ADARB1: variants seen among roughly 807,000 people sequenced by gnomAD.
ADARB1 encodes the protein adenosine deaminase RNA specific B1, also known as double-stranded RNA-specific editase 1.
A neutral mutation model predicts 52.4 loss-of-function variants in ADARB1; 10 were observed. The observed-to-expected ratio is 0.19, with a 90% CI of 0.12 to 0.32. The LOEUF is 0.32. ADARB1 is among the 10% of genes least tolerant of loss of function. The pLI is 1.00. For missense variants in ADARB1, 643 were observed against 922.3 expected (o/e 0.70, Z 3.92); for synonymous variants, 349 against 371.1 (o/e 0.94, Z 0.68).
rs1374948838 is a variant in ADARB1, at chr21:45,142,015, G to A, written c.-48+13442G>A. Among the ~76,000 whole-genome samples, 2 of 149,238 alleles carry A rather than the reference G, an allele frequency of 1.3e-5. No individual in the cohort carries two copies. Among genetic ancestry groups the A allele is most frequent in the African/African-American group, 2.5e-5 (1 of 40,334 alleles). ...TCATGGTCAGCTTAGCTGTTTGTGG[G>A]TCACTTAGCCACCCCTGGGCCACTG... On this transcript the variant is annotated intron_variant, in intron 2 of 10. Transcript: ENST00000348831. The surrounding 1 kb of genome is among the most constrained non-coding windows in gnomAD (Gnocchi z 4.0).
chr21:45,219,745 G>A (rs1170934332), intron 9 of ADARB1, among the ~76,000 whole-genome samples: 1 of 152,216 alleles, frequency 6.6e-6, no homozygotes, highest in Non-Finnish European at 1.5e-5. Context: ...CTTGTTTGAT[G>A]AGAGGAATAA....
intron 1 of ADARB1, among the ~76,000 whole-genome samples, chr21:45,095,651 C>T (rs1403839939): frequency 6.6e-6 from 1 of 152,144 alleles, no homozygotes; most frequent in African/African-American, 2.4e-5. Flanking sequence ...CTCCTTGGGT[C>T]ATGTCTCCAG....
intron 1 of ADARB1, among the ~76,000 whole-genome samples, chr21:45,091,310 T>C (rs1280023519): frequency 6.6e-6 from 1 of 152,266 alleles, no homozygotes; most frequent in Non-Finnish European, 1.5e-5. Context: ...AGTTGACGTT[T>C]GGCTTAACTG....
At chr21:45,212,901 T>C (rs1035514454) in intron 9 of ADARB1, among the ~76,000 whole-genome samples, 1 of 152,180 alleles carries the variant, frequency 6.6e-6, no homozygotes. Flanking sequence ...CTTATTAGTA[T>C]GTTATTTAGT....
chr21:45,116,478 G>T (rs1186729086), intron 1 of ADARB1, among the ~76,000 whole-genome samples: 1 of 152,230 alleles, frequency 6.6e-6, no homozygotes, highest in Non-Finnish European at 1.5e-5. Flanking sequence ...TTGCATAGAA[G>T]CAACTTTTGT....
chr21:45,217,116 A>G (rs557860886), intron 9 of ADARB1, among the ~76,000 whole-genome samples: 1 of 152,068 alleles, frequency 6.6e-6, no homozygotes, highest in South Asian at 2.1e-4. Context: ...ATATATTTAT[A>G]TATATTTATA....
At chr21:45,101,768 C>G (rs2087028701) in intron 1 of ADARB1, among the ~76,000 whole-genome samples, 1 of 152,210 alleles carries the variant, frequency 6.6e-6, no homozygotes, top group African/African-American at 2.4e-5. Flanking sequence ...TGTTAGCACA[C>G]CAGTCTTGCT....
rs535860104 is a variant in ADARB1 at position 45,097,313 on chromosome 21, G to A, written c.-220+22520G>A. 7.9e-5 allele frequency among the ~76,000 whole-genome samples: 12 copies of A among 152,308 alleles called. No homozygotes were observed. The South Asian group carries it at 2.3e-3, about 29-fold the overall frequency. On this transcript the variant is annotated intron_variant, in intron 1 of 10. Transcript: ENST00000348831. ...GAAGCCTGGTGTGCAAATGAGGGAG[G>A]CTAACATGATTTTCGGGCTACTGGA... is the stretch of plus-strand genomic sequence containing the variant.
At chr21:45,159,976 G>A (rs1373354161) in intron 2 of ADARB1, among the ~76,000 whole-genome samples, 2 of 152,220 alleles carry the variant, frequency 1.3e-5, no homozygotes, top group East Asian at 3.8e-4. Context: ...ACGTATTAAA[G>A]CCTGTTTGCA....
At chr21:45,201,721 G>T (rs1024422977) in intron 8 of ADARB1, among the ~76,000 whole-genome samples, 3 of 152,212 alleles carry the variant, frequency 2.0e-5, no homozygotes, top group Non-Finnish European at 4.4e-5. Context: ...CCTGCACTGG[G>T]GTAGGATGGG....
At chr21:45,174,771 T>G (rs112464650) in intron 3 of ADARB1, among the ~76,000 whole-genome samples, 1,940 of 152,294 alleles carry the variant, frequency 0.013, 43 homozygotes, top group African/African-American at 0.044. Context: ...TTATGTTTAT[T>G]TTGCCATGTA....
Position 45,224,093 on chromosome 21 carries a change from C to T in ADARB1, c.*1896C>T. On this transcript the variant is annotated 3_prime_UTR_variant, in exon 11 of 11. Transcript: ENST00000348831. ...TTTCCCCCAAGCAGGCTCTTGCACACTCTAGAAAAAACACCTTGTAAGTCT... is the reference window on the plus strand; with the variant it reads ...TTTCCCCCAAGCAGGCTCTTGCACATTCTAGAAAAAACACCTTGTAAGTCT... The T allele has an allele frequency of 1.0e-6, 1 of 985,358 alleles. No homozygotes were observed. The highest frequency in any genetic ancestry group is 1.2e-6 in the Non-Finnish European group (1 of 829,926). 61.0% of individuals were successfully genotyped at this position (985,358 alleles called of 1,614,324 possible). A position where few individuals can be genotyped will look rare whatever the true frequency, so the allele number is the denominator to read the frequency against.
rs755694187 is a variant in ADARB1 at position 45,172,224 on chromosome 21, G to A, written c.28+540G>A. Among the ~76,000 whole-genome samples, 13 of 152,130 alleles carry A rather than the reference G, an allele frequency of 8.5e-5. No homozygotes were observed. The highest frequency in any genetic ancestry group is 1.2e-4 in the African/African-American group (5 of 41,410). ...CTTCCGTGCTGTTCTCTCTGGTGCC[G>A]GGGTGGTGGAAGGCCGCTGGGGTAC... On this transcript the variant is annotated intron_variant, in intron 3 of 10. Transcript: ENST00000348831. The surrounding 1 kb of genome is among the most constrained non-coding windows in gnomAD (Gnocchi z 4.4).
rs116765184 is a variant in ADARB1, at chr21:45,185,880, A to G, written c.1565+789A>G. ...GACTGTCCATCCAGAAGCTGTCAAA[A>G]TTGATGCATACGCATGTGCACGTGC... On this transcript the variant is annotated intron_variant, in intron 8 of 10. Transcript: ENST00000348831. Among the ~76,000 whole-genome samples the G allele has an allele frequency of 6.9e-3, 1,044 of 152,376 alleles. 16 individuals are homozygous for G. The highest frequency in any genetic ancestry group is 0.024 in the African/African-American group (997 of 41,600).
Position 45,074,797 on chromosome 21 carries a change from A to G in ADARB1, c.-220+4A>G. 1 of 145,124 alleles carries G rather than the reference A, an allele frequency of 6.9e-6. No homozygotes were observed. The highest frequency in any genetic ancestry group is 1.9e-4 in the South Asian group (1 of 5,316). The allele number at this position is 145,124 out of a possible 1,614,324, so 9.0% of individuals were successfully genotyped here. On this transcript the variant is annotated splice_donor_region_variant and intron_variant, in intron 1 of 10. Transcript: ENST00000348831. ...GCGCGGCGCGGCTGCGGCTGAGGTG[A>G]GGGCGGCGCGGGGCCGCGGCGGCTC...
intron 9 of ADARB1, among the ~76,000 whole-genome samples, chr21:45,215,222 A>T (rs957650161): frequency 3.3e-5 from 5 of 151,854 alleles, no homozygotes; most frequent in African/African-American, 1.2e-4. Flanking sequence ...TCATTTTTAA[A>T]TTTTTTATAG....
At chr21:45,181,566 T>A (rs2091934214) in intron 5 of ADARB1, 1 of 152,668 alleles carries the variant, frequency 6.6e-6, no homozygotes, top group Admixed American at 6.5e-5. Flanking sequence ...GCTGGTCATG[T>A]TCTTTCATCG....
At chr21:45,122,994 G>T (rs1468144785) in intron 1 of ADARB1, among the ~76,000 whole-genome samples, 1 of 152,188 alleles carries the variant, frequency 6.6e-6, no homozygotes. Flanking sequence ...TGATCATACA[G>T]CAGCTACTTG....
At chr21:45,133,315 G>A (rs557609920) in intron 2 of ADARB1, among the ~76,000 whole-genome samples, 24 of 152,218 alleles carry the variant, frequency 1.6e-4, no homozygotes, top group Middle Eastern at 3.2e-3. Context: ...ACTGCCCATA[G>A]CCCCTGCCCT....
Sources: gnomAD v4.1 joint callset for allele counts (sites outside exome capture counted in the v4.1 genomes callset) on GRCh38, gnomAD v4.1.1 for gene constraint, Gnocchi (gnomAD v3.1) non-coding constraint, MANE v1.5 for transcripts, NCBI Gene and HGNC (gene_info 2026-07-23, HGNC 2026-07-21) for gene names.